YBEY: variants seen among roughly 807,000 people sequenced by gnomAD.
YBEY encodes the protein ybeY metalloendoribonuclease.
Under a neutral mutation model 13.5 loss-of-function variants are expected in YBEY, and 15 were observed. The ratio of observed to expected loss-of-function variants is 1.11; its 90% CI spans 0.75 to 1.72. YBEY has a LOEUF of 1.72. Among genes scored for constraint, YBEY ranks in the 40% most tolerant of loss-of-function variants. YBEY has a pLI of 0.00. For synonymous variants in YBEY, 101 were observed against 83.1 expected, an observed-to-expected ratio of 1.21 and a Z score of -1.17; for missense variants, 244 against 208.4, an observed-to-expected ratio of 1.17 and a Z score of -1.05.
the YBEY span, among the ~76,000 whole-genome samples, chr21:46,303,677 TACACAC>T: frequency 0.091 from 3,026 of 33,284 alleles, 304 homozygotes; most frequent in Non-Finnish European, 0.13. Flanking sequence ...ACCTCATCTC[TACACAC>T]ACACACACAC....
the YBEY span, among the ~76,000 whole-genome samples, chr21:46,310,503 A>T: frequency 1.2e-4 from 18 of 151,830 alleles, 1 homozygote; most frequent in Middle Eastern, 3.4e-3. Context: ...AAAATAAAAA[A>T]AAAAAACAAA....
At chr21:46,302,943 G>A in the YBEY span, among the ~76,000 whole-genome samples, 3 of 130,548 alleles carry the variant, frequency 2.3e-5, no homozygotes, top group African/African-American at 2.9e-5. Context: ...TCCCCGGGGC[G>A]CGCCCTGAGC....
At chr21:46,304,049 C>T in the YBEY span, among the ~76,000 whole-genome samples, 24 of 87,080 alleles carry the variant, frequency 2.8e-4, no homozygotes, top group African/African-American at 1.1e-3. Flanking sequence ...TTTTTTGAGA[C>T]GGAGTCTCAC....
intron 3 of YBEY, among the ~76,000 whole-genome samples, chr21:46,294,636 G>C (rs77245511): frequency 5.5e-5 from 2 of 36,222 alleles, no homozygotes; most frequent in African/African-American, 1.6e-4. Flanking sequence ...ACGCAAGTTA[G>C]ACTCTAGATT....
At chr21:46,303,553 A>G in the YBEY span, among the ~76,000 whole-genome samples, 5 of 150,692 alleles carry the variant, frequency 3.3e-5, no homozygotes, top group African/African-American at 9.8e-5. Context: ...AAAAAAGGAT[A>G]TTCAAGTAGC....
At chr21:46,287,322 T>G (rs888080095) in intron 2 of YBEY, among the ~76,000 whole-genome samples, 199 bp downstream of exon 2, 1 of 152,062 alleles carries the variant, frequency 6.6e-6, no homozygotes, top group African/African-American at 2.4e-5. Flanking sequence ...GCCTCCCCAG[T>G]AGGTGGGACC....
At chr21:46,310,490 AT>A in the YBEY span, among the ~76,000 whole-genome samples, 110 of 147,290 alleles carry the variant, frequency 7.5e-4, no homozygotes, top group African/African-American at 2.7e-3. Context: ...AACAAAAAAA[AT>A]AAAAATAAAA....
chr21:46,303,016 T>C, the YBEY span, among the ~76,000 whole-genome samples: 1 of 151,634 alleles, frequency 6.6e-6, no homozygotes, highest in South Asian at 2.1e-4. Flanking sequence ...ATACAAAAAT[T>C]AGCCAGGCGT....
the YBEY span, among the ~76,000 whole-genome samples, chr21:46,303,731 ATATATATATATATATTT>A: frequency 3.5e-5 from 1 of 28,430 alleles, no homozygotes; most frequent in South Asian, 1.1e-3. Flanking sequence ...ATATATATAT[ATATATATATATATATTT>A]TTTTTTTTTT....
At chr21:46,302,924 C>T in the YBEY span, among the ~76,000 whole-genome samples, 2 of 139,442 alleles carry the variant, frequency 1.4e-5, no homozygotes, top group African/African-American at 2.7e-5. Context: ...CGTCTGCACA[C>T]GGTGCGGGTC....
At position 46,291,856 on chromosome 21, in the gene YBEY, T is replaced by C; in HGVS notation, c.339+394T>C. 4 of 1,054,648 alleles carry C rather than the reference T, an allele frequency of 3.8e-6. No individual in the cohort carries two copies. The South Asian group carries it at 9.4e-5, about 25-fold the overall frequency. 65.3% of individuals were successfully genotyped at this position (1,054,648 alleles called of 1,614,324 possible). A position where few individuals can be genotyped will look rare whatever the true frequency, so the allele number is the denominator to read the frequency against. On this transcript the variant is annotated intron_variant, in intron 3 of 4. Transcript: ENST00000397701. The stretch of plus-strand genomic sequence containing the variant: ...GTGTAATCCACCTATGGGTTCTTCC[T>C]GCCCACTGCACAGACAAAACCAATT...
downstream of YBEY, among the ~76,000 whole-genome samples, chr21:46,298,959 T>C (rs567061269): frequency 2.8e-4 from 42 of 151,786 alleles, no homozygotes; most frequent in Admixed American, 9.2e-4. Flanking sequence ...TGACCTCAAG[T>C]AATCTGCCCG....
At chr21:46,289,256 A>T (rs182795400) in intron 2 of YBEY, among the ~76,000 whole-genome samples, 1 of 152,282 alleles carries the variant, frequency 6.6e-6, no homozygotes, top group East Asian at 1.9e-4. Flanking sequence ...GATCTGCGTG[A>T]TTCTGCATTG....
At chr21:46,301,484 G>T, downstream of YBEY, 1 of 984,026 alleles carries the variant, frequency 1.0e-6, no homozygotes, top group Non-Finnish European at 1.2e-6. Flanking sequence ...GTGGACACAG[G>T]TGTCCCTAGT....
Position 46,287,125 on chromosome 21 carries a change from T to TAAAAAA in YBEY, c.210+7_210+12dup, listed in dbSNP as rs58271568. 0.21 allele frequency: 301,558 copies of TAAAAAA among 1,416,036 alleles called. 9,645 individuals are homozygous for TAAAAAA. Among genetic ancestry groups the TAAAAAA allele is most frequent in the Admixed American group, 0.26 (11,363 of 43,718 alleles). 87.7% of individuals were successfully genotyped at this position (1,416,036 alleles called of 1,614,324 possible). A position where few individuals can be genotyped will look rare whatever the true frequency, so the allele number is the denominator to read the frequency against. ...GTGCTTTCTTTTCCATTTCATGAGG[T>TAAAAAA]AAAAAAAAAATGTTCCTCTTCTTGT... On this transcript the variant is annotated splice_region_variant and intron_variant, in intron 2 of 4. Coordinates refer to ENST00000397701, the MANE Select transcript of YBEY (RefSeq NM_001314025.2).
the YBEY span, chr21:46,311,625 T>C: frequency 2.0e-6 from 2 of 1,010,710 alleles, no homozygotes; most frequent in Non-Finnish European, 3.0e-6. Flanking sequence ...GTGTCTCCAG[T>C]ATCTACCACC....
intron 3 of YBEY, among the ~76,000 whole-genome samples, chr21:46,294,724 C>A (rs976151597): frequency 1.3e-5 from 2 of 150,864 alleles, no homozygotes; most frequent in African/African-American, 4.9e-5. Flanking sequence ...TCACTGTTAT[C>A]ATTTTTGCAC....
At position 46,297,727 on chromosome 21, in the gene YBEY, G is replaced by C; in HGVS notation, c.*93G>C. 8.0e-7 allele frequency: 1 copy of C among 1,252,046 alleles called. No homozygotes were observed. Among genetic ancestry groups the C allele is most frequent in the Non-Finnish European group, 1.0e-6 (1 of 990,682 alleles). 77.6% of individuals were successfully genotyped at this position (1,252,046 alleles called of 1,614,324 possible). On this transcript the variant is annotated 3_prime_UTR_variant, in exon 5 of 5. Coordinates refer to ENST00000397701, the MANE Select transcript of YBEY (RefSeq NM_001314025.2). ...GAATAAATAACGAATGAACGTACGA[G>C]GGGAACCTCCTCTTATTTCCTTCAC...
At chr21:46,295,793 A>C (rs1601601339) in intron 3 of YBEY, among the ~76,000 whole-genome samples, 1 of 151,336 alleles carries the variant, frequency 6.6e-6, no homozygotes, top group Non-Finnish European at 1.5e-5. Flanking sequence ...CAGGGAGGCC[A>C]CCCCTGGCCG....
Sources: allele counts gnomAD v4.1 joint callset (sites outside exome capture counted in the v4.1 genomes callset), GRCh38; gene constraint gnomAD v4.1.1; transcripts MANE v1.5; gene names NCBI Gene and HGNC (gene_info 2026-07-23, HGNC 2026-07-21).